The following CTNNA2 variants were observed in gnomAD, a reference collection of about 807,000 sequenced individuals.
The protein encoded by CTNNA2 is catenin alpha-2.
Under a neutral mutation model 101.0 loss-of-function variants are expected in CTNNA2, and 42 were observed. The ratio of observed to expected loss-of-function variants is 0.42; its 90% CI spans 0.32 to 0.54. The LOEUF is 0.54. Ranked by LOEUF, CTNNA2 falls within the 20% of genes least tolerant of loss-of-function variation. The pLI is 0.14. For missense variants in CTNNA2, 871 were observed against 1,223.1 expected (o/e 0.71, Z 4.29); for synonymous variants, 450 against 456.4 (o/e 0.99, Z 0.18).
At chr2:80,583,623 TAAAGAC>T (rs1463466368) in intron 14 of CTNNA2, among the ~76,000 whole-genome samples, 2 of 152,186 alleles carry the variant, frequency 1.3e-5, no homozygotes, top group African/African-American at 2.4e-5. Context: ...CTAGTTTTCT[TAAAGAC>T]AAAGACAGGT....
At chr2:80,222,953 C>A (rs1708653868) in intron 7 of CTNNA2, among the ~76,000 whole-genome samples, 1 of 152,068 alleles carries the variant, frequency 6.6e-6, no homozygotes, top group Non-Finnish European at 1.5e-5. Context: ...TGACTGTGGA[C>A]TTCTCCTAAT....
chr2:80,282,379 C>CA (rs1056774576), intron 7 of CTNNA2, among the ~76,000 whole-genome samples: 6 of 151,678 alleles, frequency 4.0e-5, no homozygotes, highest in Admixed American at 3.3e-4. Context: ...TGGCCCTTGG[C>CA]AAAAAATATG....
chr2:79,371,336 A>C (rs1004258831), intron 3 of CTNNA2, among the ~76,000 whole-genome samples: 2 of 151,976 alleles, frequency 1.3e-5, no homozygotes, highest in African/African-American at 4.8e-5. Flanking sequence ...AGGCAAATGC[A>C]CCGCAGGGAC....
intron 13 of CTNNA2, 110 bp downstream of exon 13, chr2:80,574,424 AGCTG>A: frequency 7.5e-7 from 1 of 1,326,746 alleles, no homozygotes; most frequent in Non-Finnish European, 1.0e-6. Context: ...TAACTTGGTA[AGCTG>A]TTTGGCTCCT....
intron 2 of CTNNA2, among the ~76,000 whole-genome samples, chr2:79,736,292 T>A (rs1219392960): frequency 6.6e-6 from 1 of 152,230 alleles, no homozygotes; most frequent in Non-Finnish European, 1.5e-5. Flanking sequence ...TATCTTTTTA[T>A]ATATTTTATG....
chr2:80,459,970 T>C (rs1214917116), intron 9 of CTNNA2, among the ~76,000 whole-genome samples: 1 of 152,140 alleles, frequency 6.6e-6, no homozygotes, highest in Non-Finnish European at 1.5e-5. Context: ...TGGGGGGCAC[T>C]GAGACTCAAA....
chr2:79,194,457 G>C (rs1673932538), intron 1 of CTNNA2, among the ~76,000 whole-genome samples: 1 of 152,152 alleles, frequency 6.6e-6, no homozygotes, highest in African/African-American at 2.4e-5. Flanking sequence ...GATCCAAAGG[G>C]CCTAACCCAG....
intron 7 of CTNNA2, among the ~76,000 whole-genome samples, chr2:80,015,749 T>G (rs934765603): frequency 1.3e-5 from 2 of 152,218 alleles, no homozygotes; most frequent in African/African-American, 2.4e-5. Context: ...GATTTGAAGA[T>G]TGTTAGGCGT....
rs70940037 is a variant in CTNNA2 at position 79,536,686 on chromosome 2, T to TTTTTCTTTTCTTTTCTTTTC, written c.-6+23488_-6+23507dup. 3.2e-3 allele frequency among the ~76,000 whole-genome samples: 452 copies of TTTTTCTTTTCTTTTCTTTTC among 140,028 alleles called. 5 individuals are homozygous for TTTTTCTTTTCTTTTCTTTTC. Among genetic ancestry groups the TTTTTCTTTTCTTTTCTTTTC allele is most frequent in the African/African-American group, 6.4e-3 (236 of 37,000 alleles). The allele number at this position is 140,028 out of a possible 152,430, so 91.9% of individuals were successfully genotyped here. On this transcript the variant is annotated intron_variant, in intron 1 of 18. Coordinates refer to ENST00000402739, the MANE Select transcript of CTNNA2 (RefSeq NM_001282597.3). The stretch of plus-strand genomic sequence containing the variant: ...GTCGTCACTTTCACCATGGATTTTT[T>TTTTTCTTTTCTTTTCTTTTC]TTTTCTTTTCTTTTCTTTTCTTTTC...
At chr2:80,551,050 G>A (rs752417084) in intron 11 of CTNNA2, among the ~76,000 whole-genome samples, 1 of 152,200 alleles carries the variant, frequency 6.6e-6, no homozygotes, top group Non-Finnish European at 1.5e-5. Flanking sequence ...TACATCTGCT[G>A]CAGAATAGAT....
intron 3 of CTNNA2, among the ~76,000 whole-genome samples, chr2:79,840,702 G>A (rs1679729139): frequency 6.6e-6 from 1 of 151,826 alleles, no homozygotes; most frequent in Non-Finnish European, 1.5e-5. Context: ...GGAGGCCAAG[G>A]TGGGAGGAGC....
At chr2:79,373,504 C>G (rs1677919177) in intron 3 of CTNNA2, among the ~76,000 whole-genome samples, 1 of 152,102 alleles carries the variant, frequency 6.6e-6, no homozygotes, top group Non-Finnish European at 1.5e-5. Flanking sequence ...TTGATGCCAT[C>G]ATTATCAGCT....
rs1012424707 is a variant in CTNNA2, at chr2:80,406,437, G to C, written c.1138-13012G>C. The stretch of plus-strand genomic sequence containing the variant: ...GGGGCAGGGAGAAGTCAGCACTAAT[G>C]GACTCTGAGCAGACTTCTTCAGCCC... On this transcript the variant is annotated intron_variant, in intron 8 of 18. Transcript: ENST00000402739. 2.0e-5 allele frequency among the ~76,000 whole-genome samples: 3 copies of C among 152,038 alleles called. No homozygotes were observed. The South Asian group carries it at 6.2e-4, about 32-fold the overall frequency.
At chr2:79,294,238 A>G (rs200887913) in intron 2 of CTNNA2, among the ~76,000 whole-genome samples, 152 of 149,864 alleles carry the variant, frequency 1.0e-3, no homozygotes, top group East Asian at 6.7e-3. Context: ...AAGAAGAAGA[A>G]GAGGAGGAGG....
At chr2:80,328,595 C>T (rs1393365601) in intron 7 of CTNNA2, among the ~76,000 whole-genome samples, 1 of 152,190 alleles carries the variant, frequency 6.6e-6, no homozygotes, top group East Asian at 1.9e-4. Context: ...TGGGCAGCCT[C>T]AGCTCACAAA....
intron 4 of CTNNA2, among the ~76,000 whole-genome samples, chr2:79,393,628 GA>G (rs71385270): frequency 0.07 from 6,220 of 89,006 alleles, 451 homozygotes; most frequent in African/African-American, 0.21. Context: ...TGTTCACAGA[GA>G]AAAAAAAAAA....
chr2:79,697,692 C>T (rs1382133674), intron 2 of CTNNA2, among the ~76,000 whole-genome samples: 5 of 152,026 alleles, frequency 3.3e-5, no homozygotes, highest in Admixed American at 1.3e-4. Context: ...AATGTAGAAT[C>T]ATTCCTTTGG....
chr2:80,324,770 A>G (rs2149252310), intron 7 of CTNNA2, among the ~76,000 whole-genome samples: 1 of 151,736 alleles, frequency 6.6e-6, no homozygotes, highest in Middle Eastern at 3.4e-3. Context: ...TATTGGTTTT[A>G]TTCCAGACAC....
chr2:80,289,099 G>T (rs529146212), intron 7 of CTNNA2: 7 of 152,312 alleles, frequency 4.6e-5, no homozygotes, highest in Non-Finnish European at 8.8e-5. Context: ...TCTTCCAGAA[G>T]TCTCCATTTC....
Sources: allele counts gnomAD v4.1 joint callset (sites outside exome capture counted in the v4.1 genomes callset), GRCh38; gene constraint gnomAD v4.1.1; transcripts MANE v1.5; gene names NCBI Gene and HGNC (gene_info 2026-07-23, HGNC 2026-07-21).